The following ATP6V1A variants were observed in gnomAD, a reference collection of about 807,000 sequenced individuals.
ATP6V1A encodes the protein ATPase H+ transporting V1 subunit A.
A neutral mutation model predicts 70.1 loss-of-function variants in ATP6V1A; 18 were observed. The ratio of observed to expected loss-of-function variants is 0.26; its 90% CI spans 0.18 to 0.38. The LOEUF (loss-of-function observed/expected upper bound fraction) is 0.38. Ranked by LOEUF, ATP6V1A falls within the 10% of genes least tolerant of loss-of-function variation. The pLI is 1.00. For missense variants in ATP6V1A, 424 were observed against 772.4 expected, an observed-to-expected ratio of 0.55 and a Z score of 5.35; for synonymous variants, 232 against 253.8, an observed-to-expected ratio of 0.91 and a Z score of 0.82.
intron 1 of ATP6V1A, among the ~76,000 whole-genome samples, chr3:113,754,940 T>C (rs1708630451): frequency 6.6e-6 from 1 of 152,266 alleles, no homozygotes; most frequent in Non-Finnish European, 1.5e-5. Flanking sequence ...GTTGGATTTG[T>C]TGCATACTTA....
intron 6 of ATP6V1A, 116 bp downstream of exon 6, chr3:113,786,499 G>A: frequency 1.0e-6 from 1 of 1,000,520 alleles, no homozygotes; most frequent in Non-Finnish European, 1.4e-6. Context: ...ATTTTATCTA[G>A]AGTAATAATG....
At chr3:113,760,782 A>G (rs1023369984) in intron 1 of ATP6V1A, among the ~76,000 whole-genome samples, 3 of 151,184 alleles carry the variant, frequency 2.0e-5, no homozygotes, top group Admixed American at 6.6e-5. Context: ...TTAAATATAG[A>G]CATCGGCCAG....
chr3:113,811,263 A>G lies in ATP6V1A; in HGVS notation c.*1836A>G, dbSNP rs1709338826. 1 of 152,424 alleles carries G rather than the reference A, an allele frequency of 6.6e-6. No individual in the cohort carries two copies. The highest frequency in any genetic ancestry group is 1.5e-5 in the Non-Finnish European group (1 of 68,024). The allele number at this position is 152,424 out of a possible 1,614,324, so 9.4% of individuals were successfully genotyped here. A position where few individuals can be genotyped will look rare whatever the true frequency, so the allele number is the denominator to read the frequency against. ...GGTAATGCCTATCTCTTGGTCTATT[A>G]AGGAAAGAAGCAATCAGTAGAGAAT... On this transcript the variant is annotated 3_prime_UTR_variant, in exon 15 of 15. Transcript: ENST00000273398.
chr3:113,786,927 C>T (rs1400824533), intron 6 of ATP6V1A, among the ~76,000 whole-genome samples: 1 of 152,072 alleles, frequency 6.6e-6, no homozygotes, highest in Non-Finnish European at 1.5e-5. Flanking sequence ...CACAGGCATG[C>T]ACCACCACAC....
chr3:113,782,573 C>CACATATATATATATATACATATAT (rs1308546543), intron 3 of ATP6V1A, among the ~76,000 whole-genome samples: 1 of 141,208 alleles, frequency 7.1e-6, no homozygotes, highest in Non-Finnish European at 1.5e-5. Flanking sequence ...TATATATATA[C>CACATATATATATATATACATATAT]GTATATATAT....
At chr3:113,803,698 T>A in intron 13 of ATP6V1A, 21 bp downstream of exon 13, 1 of 1,541,906 alleles carries the variant, frequency 6.5e-7, no homozygotes, top group Non-Finnish European at 8.9e-7. Context: ...TTGATTTCCT[T>A]TTTTTATTTG....
intron 5 of ATP6V1A, 25 bp from the exon 6 acceptor site, chr3:113,786,207 C>G: frequency 6.3e-7 from 1 of 1,580,200 alleles, no homozygotes; most frequent in Non-Finnish European, 8.6e-7. Flanking sequence ...TTTGACCATA[C>G]TAAAATCCTA....
At chr3:113,766,281 TC>T (rs386419821) in intron 1 of ATP6V1A, among the ~76,000 whole-genome samples, 3 of 151,828 alleles carry the variant, frequency 2.0e-5, no homozygotes, top group Admixed American at 1.3e-4. Flanking sequence ...CATCTCTCTC[TC>T]TTTCTCTCTC....
Position 113,811,803 on chromosome 3 carries a change from T to G in ATP6V1A, c.*2376T>G, listed in dbSNP as rs975595895. 7.2e-5 allele frequency: 11 copies of G among 152,642 alleles called. No individual in the cohort carries two copies. Among genetic ancestry groups the G allele is most frequent in the African/African-American group, 2.7e-4 (11 of 41,462 alleles). The allele number at this position is 152,642 out of a possible 1,614,324, so 9.5% of individuals were successfully genotyped here. On this transcript the variant is annotated 3_prime_UTR_variant, in exon 15 of 15. Coordinates refer to ENST00000273398, the MANE Select transcript of ATP6V1A (RefSeq NM_001690.4). ...ATGTGTTAAAATTACAATGATCTTT[T>G]AAAAAGATGATGCAGTTCTGTATTT...
chr3:113,770,276 C>T (rs951335921), intron 1 of ATP6V1A, among the ~76,000 whole-genome samples: 5 of 152,166 alleles, frequency 3.3e-5, no homozygotes, highest in Admixed American at 2.6e-4. Context: ...TCTTGAACTC[C>T]TGACCACAAG....
chr3:113,802,875 C>T (rs1307567138), intron 12 of ATP6V1A: 2 of 151,798 alleles, frequency 1.3e-5, no homozygotes, highest in Non-Finnish European at 2.9e-5. Context: ...GTTGCCCAAG[C>T]TGGTCTCTCA....
chr3:113,774,874 G>C (rs917881165), intron 1 of ATP6V1A, among the ~76,000 whole-genome samples: 1 of 151,690 alleles, frequency 6.6e-6, no homozygotes, highest in African/African-American at 2.4e-5. Flanking sequence ...GTACTCTTCA[G>C]TACTCACTCA....
At position 113,794,954 on chromosome 3, in the gene ATP6V1A, C is replaced by T. The variant is rs777474812; in HGVS notation, c.1071C>T (p.Ala357=). 6 of 1,613,866 alleles carry T rather than the reference C, an allele frequency of 3.7e-6. No individual in the cohort carries two copies. The African/African-American group carries it at 6.7e-5, about 18-fold the overall frequency. The change falls in exon 9 of 15, where the codon GCC becomes GCT. Residue 357 remains alanine, a synonymous_variant. Transcript: ENST00000273398. The stretch of plus-strand genomic sequence containing the variant: ...ACTCTACCTCTAGATGGGCTGAGGC[C>T]CTTAGAGAAATCTCTGGTCGTTTAG... ...MADSTSRWAE[A]LREISGRLAE... is the part of the protein sequence containing the mutation.
At chr3:113,807,546 A>C (rs1426990988) in intron 14 of ATP6V1A, among the ~76,000 whole-genome samples, 1 of 152,212 alleles carries the variant, frequency 6.6e-6, no homozygotes, top group Non-Finnish European at 1.5e-5. Flanking sequence ...TCCATAAGAT[A>C]GATATTATGA....
chr3:113,774,179 T>C (rs931908191), intron 1 of ATP6V1A, among the ~76,000 whole-genome samples: 1 of 152,134 alleles, frequency 6.6e-6, no homozygotes, highest in African/African-American at 2.4e-5. Context: ...CAGGGAAATT[T>C]CTTGGTATGC....
At chr3:113,785,820 T>A (rs967724258) in intron 5 of ATP6V1A, among the ~76,000 whole-genome samples, 1 of 151,002 alleles carries the variant, frequency 6.6e-6, no homozygotes, top group African/African-American at 2.4e-5. Flanking sequence ...AGGCCTTTAC[T>A]TATATTTAAC....
At chr3:113,760,980 T>A (rs958414369) in intron 1 of ATP6V1A, among the ~76,000 whole-genome samples, 1 of 151,672 alleles carries the variant, frequency 6.6e-6, no homozygotes. Flanking sequence ...GGCAGTAGAA[T>A]TGCTTGAATC....
intron 1 of ATP6V1A, among the ~76,000 whole-genome samples, chr3:113,756,495 C>T (rs1341481323): frequency 6.6e-6 from 1 of 152,094 alleles, no homozygotes; most frequent in African/African-American, 2.4e-5. Flanking sequence ...TGCCATTTAG[C>T]TTGGGTCTTT....
chr3:113,806,994 TTG>T (rs1047088533), intron 14 of ATP6V1A, among the ~76,000 whole-genome samples: 11 of 151,984 alleles, frequency 7.2e-5, no homozygotes, highest in African/African-American at 2.2e-4. Flanking sequence ...TATATATATT[TTG>T]TGTGTGTGTT....
Sources: gnomAD v4.1 joint callset for allele counts (sites outside exome capture counted in the v4.1 genomes callset) on GRCh38, gnomAD v4.1.1 for gene constraint, MANE v1.5 for transcripts, NCBI Gene and HGNC (gene_info 2026-07-23, HGNC 2026-07-21) for gene names.